Variants in FBLN1 observed in about 807,000 individuals in gnomAD.
The protein encoded by FBLN1 is fibulin 1.
Under a neutral mutation model 89.7 loss-of-function variants are expected in FBLN1, and 34 were observed. That is an observed-to-expected ratio of 0.38 (90% CI 0.29 to 0.50). FBLN1 has a LOEUF of 0.50. Ranked by LOEUF, FBLN1 falls within the 20% of genes least tolerant of loss-of-function variation. FBLN1 has a pLI of 0.92. For missense variants in FBLN1, 777 were observed against 988.1 expected (o/e 0.79, Z 2.86); for synonymous variants, 393 against 391.3 (o/e 1.00, Z -0.05).
Position 45,533,866 on chromosome 22 carries a change from G to C in FBLN1, c.752G>C (p.Gly251Ala). The C allele has an allele frequency of 6.2e-7, 1 of 1,614,120 alleles. No individual in the cohort carries two copies. Among genetic ancestry groups the C allele is most frequent in the Non-Finnish European group, 8.5e-7 (1 of 1,180,026 alleles). Residue 251 changes from glycine to alanine, a missense_variant, in exon 7 of 17, where the codon GGC becomes GCC. Coordinates refer to ENST00000327858, the MANE Select transcript of FBLN1 (RefSeq NM_006486.3). ...CAGCGGGACAGCAGCTGCGGGACTGGCTATGAGCTCACAGAGGACAATAGC... is the reference window on the plus strand; with the variant it reads ...CAGCGGGACAGCAGCTGCGGGACTGCCTATGAGCTCACAGAGGACAATAGC... The part of the protein sequence containing the change: ...RCQRDSSCGT[G>A]YELTEDNSCK...
intron 14 of FBLN1, among the ~76,000 whole-genome samples, chr22:45,567,187 A>G (rs1161951950): frequency 6.6e-6 from 1 of 152,226 alleles, no homozygotes; most frequent in Non-Finnish European, 1.5e-5. Flanking sequence ...CCCTGGGATG[A>G]ATGAGACTGT....
chr22:45,565,383 G>A, intron 14 of FBLN1: 1 of 921,540 alleles, frequency 1.1e-6, no homozygotes, highest in Non-Finnish European at 1.4e-6. Flanking sequence ...GCCCCACGGG[G>A]AGGCTTGCCC....
intron 10 of FBLN1, 119 bp from the exon 11 acceptor site, chr22:45,543,282 A>G (rs971972015): frequency 7.6e-6 from 10 of 1,307,936 alleles, no homozygotes; most frequent in Non-Finnish European, 1.1e-5. Context: ...GAAGGAAAAA[A>G]AAGAAATGAG....
At chr22:45,523,334 GT>G (rs2088276584) in intron 2 of FBLN1, 4 of 535,230 alleles carry the variant, frequency 7.5e-6, no homozygotes, top group Non-Finnish European at 1.4e-5. Context: ...GGTGTTGGGG[GT>G]GAGCCTGAGG....
Position 45,536,387 on chromosome 22 carries a change from CT to C in FBLN1, c.922+1051del, listed in dbSNP as rs1481530219. Among the ~76,000 whole-genome samples, 1 of 152,058 alleles carries C rather than the reference CT, an allele frequency of 6.6e-6. No individual in the cohort carries two copies. The highest frequency in any genetic ancestry group is 1.9e-4 in the East Asian group (1 of 5,196). On this transcript the variant is annotated intron_variant, in intron 8 of 16. Coordinates refer to ENST00000327858, the MANE Select transcript of FBLN1 (RefSeq NM_006486.3). The surrounding 1 kb of genome is among the most constrained non-coding windows in gnomAD (Gnocchi z 5.1). ...CGACAGTGTGAATGCAGTAATGCCCCTGAACCGTCTACTTAAAATGGTTACG... is the reference window on the plus strand; with the variant it reads ...CGACAGTGTGAATGCAGTAATGCCCCGAACCGTCTACTTAAAATGGTTACG...
At chr22:45,589,846 C>T (rs573928985) in intron 16 of FBLN1, among the ~76,000 whole-genome samples, 1 of 152,290 alleles carries the variant, frequency 6.6e-6, no homozygotes, top group South Asian at 2.1e-4. Context: ...GCAGAGCACC[C>T]TCCCATCGCC....
At chr22:45,525,930 C>T (rs1295774269) in intron 3 of FBLN1, among the ~76,000 whole-genome samples, 1 of 152,228 alleles carries the variant, frequency 6.6e-6, no homozygotes, top group East Asian at 1.9e-4. Flanking sequence ...GTGAGCTGGC[C>T]TTGCCCTGAG....
rs1164491698 is a variant in FBLN1, at chr22:45,518,709, G to A, written c.107G>A (p.Cys36Tyr). The stretch of plus-strand genomic sequence containing the variant: ...GACGCGGATGTCCTCCTGGAGGCCT[G>A]CTGTGCGGACGGACACCGGATGGCC... ...GVDADVLLEA[C>Y]CADGHRMATH... is the part of the protein sequence containing the mutation. The change falls in exon 2 of 17, where the codon TGC becomes TAC. Residue 36 changes from cysteine (C) to tyrosine (Y), a missense_variant. Cys to Tyr is a radical substitution (Grantham distance 194, BLOSUM62 -2). Transcript: ENST00000327858. 6.2e-7 allele frequency: 1 copy of A among 1,610,692 alleles called. No individual in the cohort carries two copies. The highest frequency in any genetic ancestry group is 8.5e-7 in the Non-Finnish European group (1 of 1,178,638).
Position 45,550,810 on chromosome 22 carries a change from T to G in FBLN1, c.1697+195T>G. ...CACTGGTCTCGGAAAGTCAAGGGGG[T>G]AACTGCAAATGAGTCTGGGGTCTAT... On this transcript the variant is annotated intron_variant, in intron 14 of 16. Coordinates refer to ENST00000327858, the MANE Select transcript of FBLN1 (RefSeq NM_006486.3). This position sits in a 1 kb window ranked among gnomAD's most constrained non-coding sequence, Gnocchi z 8.4. 3 of 732,040 alleles carry G rather than the reference T, an allele frequency of 4.1e-6. No individual in the cohort carries two copies. Among genetic ancestry groups the G allele is most frequent in the South Asian group, 3.1e-5 (2 of 63,544 alleles). 45.3% of individuals were successfully genotyped at this position (732,040 alleles called of 1,614,324 possible). A position where few individuals can be genotyped will look rare whatever the true frequency, so the allele number is the denominator to read the frequency against.
In FBLN1 at chr22:45,545,206, G is replaced by A. The variant is rs1486897056; in HGVS notation, c.1321+1680G>A. ...TGTATGGACAAGGAACAAGATTCACGAGTTGAGTCTCTCAGGCTTGTGTTC... is the reference window on the plus strand; with the variant it reads ...TGTATGGACAAGGAACAAGATTCACAAGTTGAGTCTCTCAGGCTTGTGTTC... On this transcript the variant is annotated intron_variant, in intron 11 of 16. Coordinates refer to ENST00000327858, the MANE Select transcript of FBLN1 (RefSeq NM_006486.3). The surrounding 1 kb of genome is among the most constrained non-coding windows in gnomAD (Gnocchi z 5.9). 6.6e-6 allele frequency among the ~76,000 whole-genome samples: 1 copy of A among 152,172 alleles called. No individual in the cohort carries two copies. The highest frequency in any genetic ancestry group is 2.4e-5 in the African/African-American group (1 of 41,428).
chr22:45,593,815 C>A (rs1426097014), intron 16 of FBLN1, among the ~76,000 whole-genome samples: 1 of 152,236 alleles, frequency 6.6e-6, no homozygotes, highest in East Asian at 1.9e-4. Flanking sequence ...CCTTCACTCT[C>A]TTTTCTTCTT....
At chr22:45,589,903 C>T (rs2089121654) in intron 16 of FBLN1, among the ~76,000 whole-genome samples, 1 of 152,188 alleles carries the variant, frequency 6.6e-6, no homozygotes, top group African/African-American at 2.4e-5. Context: ...TCAAGGTTAA[C>T]CCGTTGGGGA....
At chr22:45,586,497 G>A (rs902959052) in intron 16 of FBLN1, among the ~76,000 whole-genome samples, 2 of 152,256 alleles carry the variant, frequency 1.3e-5, no homozygotes, top group African/African-American at 2.4e-5. Context: ...GGACGGGACC[G>A]TCATGGTCCC....
chr22:45,511,157 A>ATTTTTTT (rs67205437), intron 1 of FBLN1, among the ~76,000 whole-genome samples: 5 of 143,840 alleles, frequency 3.5e-5, no homozygotes, highest in Non-Finnish European at 7.6e-5. Context: ...ATCTTCCCCC[A>ATTTTTTT]TTTTTTTTTT....
At chr22:45,582,870 A>C (rs2089054322) in intron 16 of FBLN1, among the ~76,000 whole-genome samples, 1 of 152,144 alleles carries the variant, frequency 6.6e-6, no homozygotes, top group South Asian at 2.1e-4. Context: ...GAGATGTTTT[A>C]TACTCTCTGG....
rs538287669 is a variant in FBLN1 at position 45,581,328 on chromosome 22, T to A, written c.1972+4220T>A. Among the ~76,000 whole-genome samples, 24 of 152,088 alleles carry A rather than the reference T, an allele frequency of 1.6e-4. No homozygotes were observed. The highest frequency in any genetic ancestry group is 5.3e-4 in the African/African-American group (22 of 41,500). On this transcript the variant is annotated intron_variant, in intron 16 of 16. Transcript: ENST00000327858. The surrounding 1 kb of genome is among the most constrained non-coding windows in gnomAD (Gnocchi z 7.6). ...AACTCTCAGGCCAGCCACATCTGTG[T>A]CTGTCTGGCTCCCTCCACTCAGCCT...
intron 1 of FBLN1, among the ~76,000 whole-genome samples, chr22:45,504,492 T>G (rs987816504): frequency 6.8e-6 from 1 of 147,812 alleles, no homozygotes; most frequent in Non-Finnish European, 1.5e-5. Context: ...GCAGGCCGGG[T>G]GGCTGCCAGC....
rs1361986017 is a variant in FBLN1 at position 45,536,340 on chromosome 22, A to G, written c.922+1003A>G. On this transcript the variant is annotated intron_variant, in intron 8 of 16. Coordinates refer to ENST00000327858, the MANE Select transcript of FBLN1 (RefSeq NM_006486.3). The surrounding 1 kb of genome is among the most constrained non-coding windows in gnomAD (Gnocchi z 5.1). ...TTGAGAAGATGAAAAAGTTCTGGAG[A>G]TGGATGGGGGTGATGGTGGCACGAC... Among the ~76,000 whole-genome samples, 28 of 151,982 alleles carry G rather than the reference A, an allele frequency of 1.8e-4. No individual in the cohort carries two copies. Among genetic ancestry groups the G allele is most frequent in the Admixed American group, 1.8e-3 (28 of 15,260 alleles).
chr22:45,541,495 C>G, intron 9 of FBLN1, 123 bp downstream of exon 9: 1 of 1,268,010 alleles, frequency 7.9e-7, no homozygotes, highest in Non-Finnish European at 1.1e-6. Context: ...CCCATCCATC[C>G]CACTGTCAGT....
Sources: gnomAD v4.1 joint callset for allele counts (sites outside exome capture counted in the v4.1 genomes callset) on GRCh38, gnomAD v4.1.1 for gene constraint, Gnocchi (gnomAD v3.1) non-coding constraint, MANE v1.5 for transcripts, NCBI Gene and HGNC (gene_info 2026-07-23, HGNC 2026-07-21) for gene names.